Variants in PKD2L2 observed in about 807,000 individuals in gnomAD.
The protein encoded by PKD2L2 is polycystin 2 like 2, transient receptor potential cation channel.
Under a neutral mutation model 83.9 loss-of-function variants are expected in PKD2L2, and 67 were observed. That is an observed-to-expected ratio of 0.80 (90% confidence interval 0.66 to 0.98). The LOEUF (loss-of-function observed/expected upper bound fraction) is 0.98. PKD2L2 is among the 50% of genes least tolerant of loss of function. The pLI, the probability that PKD2L2 is intolerant of heterozygous loss-of-function variation, is 0.00. For missense variants in PKD2L2, 632 were observed against 717.2 expected, an observed-to-expected ratio of 0.88 and a Z score of 1.36; for synonymous variants, 223 against 237.8, an observed-to-expected ratio of 0.94 and a Z score of 0.57.
intron 8 of PKD2L2, among the ~76,000 whole-genome samples, chr5:137,913,236 T>C (rs1223972783): frequency 7.1e-6 from 1 of 141,624 alleles, no homozygotes; most frequent in Non-Finnish European, 1.5e-5. Context: ...CAAGGTGGAG[T>C]GCAGTGGCAT....
At chr5:137,889,602 C>A in intron 1 of PKD2L2, 80 bp downstream of exon 1, 1 of 1,302,644 alleles carries the variant, frequency 7.7e-7, no homozygotes, top group Non-Finnish European at 1.0e-6. Context: ...TCTGCGGCCC[C>A]AAATTCGTTT....
chr5:137,936,316 C>CTA lies in PKD2L2; in HGVS notation c.1785-3_1785-2dup, dbSNP rs2150067749. On this transcript the variant is annotated splice_polypyrimidine_tract_variant and splice_region_variant and intron_variant, in intron 13 of 14. Transcript: ENST00000508883. ...CATTCTCTACTTCCTTCGAAATTTTCTAGACTTTTTTTATATGCTGTGGAG... is the reference window on the plus strand; with the variant it reads ...CATTCTCTACTTCCTTCGAAATTTTCTATAGACTTTTTTTATATGCTGTGGAG... 6.5e-7 allele frequency: 1 copy of CTA among 1,529,352 alleles called. No homozygotes were observed. Among genetic ancestry groups the CTA allele is most frequent in the East Asian group, 2.4e-5 (1 of 40,868 alleles). 94.7% of individuals were successfully genotyped at this position (1,529,352 alleles called of 1,614,324 possible).
chr5:137,900,158 A>G (rs537933019), intron 5 of PKD2L2, among the ~76,000 whole-genome samples: 107 of 152,362 alleles, frequency 7.0e-4, no homozygotes, highest in Middle Eastern at 3.4e-3. Context: ...ACTGCATAAA[A>G]TTAGAGTACG....
rs577358147 is a variant in PKD2L2 at position 137,928,590 on chromosome 5, C to A, written c.1671+2661C>A. 4.6e-5 allele frequency among the ~76,000 whole-genome samples: 7 copies of A among 152,284 alleles called. No individual in the cohort carries two copies. In the South Asian group the frequency reaches 1.0e-3, roughly 23 times the overall value. ...GGGACTACAGGCATGCGCCATCACA[C>A]CCAGCTAAATTTTGTGTTTTTTGTA... On this transcript the variant is annotated intron_variant, in intron 12 of 14. Transcript: ENST00000508883.
intron 9 of PKD2L2, among the ~76,000 whole-genome samples, chr5:137,922,995 G>T (rs1247198878): frequency 6.7e-6 from 1 of 149,046 alleles, no homozygotes; most frequent in Non-Finnish European, 1.5e-5. Context: ...GATTTTTTTT[G>T]TTGTTTTTCC....
chr5:137,936,442 T>G lies in PKD2L2; in HGVS notation c.*17+15T>G, dbSNP rs767032812. On this transcript the variant is annotated intron_variant, in intron 14 of 14. Transcript: ENST00000508883. ...GACAAGTGGAGGTAAGAATCTGTGA[T>G]GCAATCATTGAGCATTTCTTTTTTT... 6.6e-7 allele frequency: 1 copy of G among 1,524,946 alleles called. No homozygotes were observed. The highest frequency in any genetic ancestry group is 8.8e-7 in the Non-Finnish European group (1 of 1,141,378). 94.5% of individuals were successfully genotyped at this position (1,524,946 alleles called of 1,614,324 possible).
At chr5:137,904,616 T>C (rs1283637543) in intron 5 of PKD2L2, among the ~76,000 whole-genome samples, 1 of 151,842 alleles carries the variant, frequency 6.6e-6, no homozygotes, top group Non-Finnish European at 1.5e-5. Flanking sequence ...GCCTACTTGA[T>C]GGAGGAGGGT....
intron 1 of PKD2L2, 47 bp downstream of exon 1, chr5:137,889,569 G>T (rs1445552041): frequency 6.7e-7 from 1 of 1,481,546 alleles, no homozygotes; most frequent in African/African-American, 1.5e-5. Context: ...CGATTTGGCA[G>T]TTCCAGACAC....
At chr5:137,923,847 T>C (rs1759145791) in intron 10 of PKD2L2, among the ~76,000 whole-genome samples, 1 of 152,132 alleles carries the variant, frequency 6.6e-6, no homozygotes, top group Admixed American at 6.5e-5. Flanking sequence ...TTCCGGAAAG[T>C]TTTTGCTCTG....
At chr5:137,904,864 C>T (rs1244781939) in intron 5 of PKD2L2, among the ~76,000 whole-genome samples, 1 of 152,144 alleles carries the variant, frequency 6.6e-6, no homozygotes, top group East Asian at 1.9e-4. Flanking sequence ...GGATTTTGCT[C>T]CCCGTGCAAC....
intron 7 of PKD2L2, 52 bp downstream of exon 7, chr5:137,907,964 A>G (rs748414793): frequency 8.7e-6 from 7 of 800,804 alleles, no homozygotes; most frequent in African/African-American, 1.8e-5. Flanking sequence ...TAGCATAATG[A>G]AAAATTAAAC....
intron 8 of PKD2L2, among the ~76,000 whole-genome samples, chr5:137,919,045 C>T (rs1156914505): frequency 6.6e-6 from 1 of 151,940 alleles, no homozygotes; most frequent in Admixed American, 6.6e-5. Flanking sequence ...TGAATTGCTA[C>T]ACCCTCAAGT....
chr5:137,920,212 A>AT (rs1166612093), intron 8 of PKD2L2, among the ~76,000 whole-genome samples: 2 of 152,192 alleles, frequency 1.3e-5, no homozygotes, highest in Non-Finnish European at 2.9e-5. Context: ...TCAAAAAAAA[A>AT]TTTTTTTCCA....
At chr5:137,903,657 A>G (rs1561681828) in intron 5 of PKD2L2, among the ~76,000 whole-genome samples, 1 of 152,210 alleles carries the variant, frequency 6.6e-6, no homozygotes, top group Non-Finnish European at 1.5e-5. Flanking sequence ...AAACTAACAT[A>G]TTGTATGTAA....
At chr5:137,940,988 C>T (rs565463541) in intron 14 of PKD2L2, among the ~76,000 whole-genome samples, 1 of 152,326 alleles carries the variant, frequency 6.6e-6, no homozygotes, top group South Asian at 2.1e-4. Flanking sequence ...TCGCTGCAAG[C>T]TCCGCCTCCC....
Position 137,936,436 on chromosome 5 carries a change from C to A in PKD2L2, c.*17+9C>A. 6.6e-7 allele frequency: 1 copy of A among 1,522,812 alleles called. No homozygotes were observed. Among genetic ancestry groups the A allele is most frequent in the South Asian group, 1.2e-5 (1 of 81,814 alleles). The allele number at this position is 1,522,812 out of a possible 1,614,324, so 94.3% of individuals were successfully genotyped here. ...TATTGAGACAAGTGGAGGTAAGAAT[C>A]TGTGATGCAATCATTGAGCATTTCT... On this transcript the variant is annotated intron_variant, in intron 14 of 14. Transcript: ENST00000508883.
At position 137,921,731 on chromosome 5, in the gene PKD2L2, T is replaced by C. The variant is rs770571538; in HGVS notation, c.1424T>C (p.Ile475Thr). Reference sequence around the variant, plus strand: ...GGACCCATTTACTTCATCACTTTCATCTTTTTTGTGTTCTTTGTCCTGCTG... The same window carrying C: ...GGACCCATTTACTTCATCACTTTCACCTTTTTTGTGTTCTTTGTCCTGCTG... ...ILGPIYFITFIFFVFFVLLNM... is the reference protein window; with the variant it reads ...ILGPIYFITFTFFVFFVLLNM... Residue 475 changes from isoleucine to threonine, a missense_variant, in exon 9 of 15, where the codon ATC becomes ACC. By Grantham distance (89) the Ile-to-Thr change is moderately conservative. Transcript: ENST00000508883. 1.2e-6 allele frequency: 2 copies of C among 1,608,270 alleles called. No homozygotes were observed. Among genetic ancestry groups the C allele is most frequent in the South Asian group, 1.1e-5 (1 of 90,270 alleles).
chr5:137,932,861 G>A (rs1323053514), intron 12 of PKD2L2, among the ~76,000 whole-genome samples: 1 of 152,098 alleles, frequency 6.6e-6, no homozygotes, highest in Non-Finnish European at 1.5e-5. Flanking sequence ...AGGTGCTAAA[G>A]TTTTGGATTT....
chr5:137,906,790 A>G (rs1396403328), intron 6 of PKD2L2, among the ~76,000 whole-genome samples: 1 of 152,150 alleles, frequency 6.6e-6, no homozygotes, highest in African/African-American at 2.4e-5. Flanking sequence ...GTTGTTTAAA[A>G]TAATCTATGT....
Sources: allele counts gnomAD v4.1 joint callset (sites outside exome capture counted in the v4.1 genomes callset), GRCh38; gene constraint gnomAD v4.1.1; transcripts MANE v1.5; gene names NCBI Gene and HGNC (gene_info 2026-07-23, HGNC 2026-07-21).